Variants in C8orf74 observed in about 807,000 individuals in gnomAD.
The protein encoded by C8orf74 is uncharacterized protein C8orf74.
C8orf74 carries 29 observed loss-of-function variants against 22.2 expected under a neutral mutation model. The ratio of observed to expected loss-of-function variants is 1.31; its 90% CI spans 0.97 to 1.78. The LOEUF (loss-of-function observed/expected upper bound fraction) is 1.78, where lower values mean the gene tolerates loss of function less well. Among genes scored for constraint, C8orf74 ranks in the 40% most tolerant of loss-of-function variants. The probability of loss-of-function intolerance (pLI) is 0.00; values close to 1 mark genes in which losing one functional copy is unlikely to be tolerated. For missense variants in C8orf74, 515 were observed against 369.9 expected (o/e 1.39, Z -3.22); for synonymous variants, 255 against 163.1 (o/e 1.56, Z -4.30).
chr8:10,689,262 C>T (rs547651791), intron 2 of C8orf74: 1 of 152,230 alleles, frequency 6.6e-6, no homozygotes, highest in Non-Finnish European at 1.5e-5. Flanking sequence ...AGGCAAGTCT[C>T]ATCCTTTTTC....
Position 10,700,482 on chromosome 8 carries a change from C to A in C8orf74, c.*11C>A, listed in dbSNP as rs973016687. On this transcript the variant is annotated 3_prime_UTR_variant, in exon 4 of 4. Transcript: ENST00000304519. Reference sequence around the variant, plus strand: ...AAGGCAAGGAAGTAGAAGGTCCCGACTGCCACACGAGACTGACTGGGGACC... The same window carrying A: ...AAGGCAAGGAAGTAGAAGGTCCCGAATGCCACACGAGACTGACTGGGGACC... The A allele has an allele frequency of 2.6e-6, 4 of 1,519,560 alleles. No individual in the cohort carries two copies. The highest frequency in any genetic ancestry group is 1.7e-4 in the Middle Eastern group (1 of 5,800). The allele number at this position is 1,519,560 out of a possible 1,614,324, so 94.1% of individuals were successfully genotyped here. A position where few individuals can be genotyped will look rare whatever the true frequency, so the allele number is the denominator to read the frequency against.
At chr8:10,675,476 C>T (rs1799013963) in intron 2 of C8orf74, 2 of 152,260 alleles carry the variant, frequency 1.3e-5, no homozygotes, top group African/African-American at 2.4e-5. Context: ...CCACTGAGAA[C>T]CATCCATGGG....
Position 10,697,923 on chromosome 8 carries a change from T to A in C8orf74, c.566T>A (p.Leu189Gln), listed in dbSNP as rs780079375. ...RADVLLLKEA[L>Q]RLERENSLQK... is the part of the protein sequence containing the mutation. ...GACGTGCTGCTCCTGAAAGAGGCGC[T>A]GCGCCTGGAGCGGGAGAACTCGCTG... Residue 189 changes from leucine (L) to glutamine (Q), a missense_variant, in exon 3 of 4, where the codon CTG becomes CAG. Coordinates refer to ENST00000304519, the MANE Select transcript of C8orf74 (RefSeq NM_001040032.2). The A allele has an allele frequency of 6.3e-6, 10 of 1,598,680 alleles. No individual in the cohort carries two copies. In the African/African-American group the frequency reaches 1.2e-4, roughly 19 times the overall value.
chr8:10,700,551 C>A lies in C8orf74; in HGVS notation c.*80C>A. 1 of 840,092 alleles carries A rather than the reference C, an allele frequency of 1.2e-6. No homozygotes were observed. The highest frequency in any genetic ancestry group is 1.8e-6 in the Non-Finnish European group (1 of 549,278). The allele number at this position is 840,092 out of a possible 1,614,324, so 52.0% of individuals were successfully genotyped here. ...GCCTTGCGGCACGGTGAGCTCAGCA[C>A]CCACAGAGAGACTTCTTGTGATTAA... is the stretch of plus-strand genomic sequence containing the variant. On this transcript the variant is annotated 3_prime_UTR_variant, in exon 4 of 4. Transcript: ENST00000304519.
chr8:10,696,077 T>G (rs1410218308), intron 2 of C8orf74, among the ~76,000 whole-genome samples: 2 of 152,106 alleles, frequency 1.3e-5, no homozygotes, highest in African/African-American at 4.8e-5. Flanking sequence ...CCTATCTCTC[T>G]GCCTGGTGTC....
intron 2 of C8orf74, among the ~76,000 whole-genome samples, chr8:10,680,454 C>T (rs1412135633): frequency 1.3e-5 from 2 of 152,222 alleles, no homozygotes; most frequent in East Asian, 3.9e-4. Context: ...ACAGGATGGT[C>T]CCATATCCAC....
chr8:10,694,935 G>T (rs932804185), intron 2 of C8orf74, among the ~76,000 whole-genome samples: 1 of 151,846 alleles, frequency 6.6e-6, no homozygotes, highest in African/African-American at 2.4e-5. Flanking sequence ...TGGATGGATG[G>T]TTGGGTGCAT....
rs781682797 is a variant in C8orf74 at position 10,700,396 on chromosome 8, C to T, written c.810C>T (p.Thr270=). 1.2e-6 allele frequency: 2 copies of T among 1,612,766 alleles called. No individual in the cohort carries two copies. Among genetic ancestry groups the T allele is most frequent in the South Asian group, 1.1e-5 (1 of 90,912 alleles). ...CCACCCCTATCCCGCCCCCCATCAC[C>T]AGCCACGCAGGCCAGGAGGAAGCCC... is the stretch of plus-strand genomic sequence containing the variant. The part of the protein sequence containing the change: ...NAPTPIPPPI[T]SHAGQEEALK... The change falls in exon 4 of 4, where the codon ACC becomes ACT. Residue 270 remains threonine, a synonymous_variant. Coordinates refer to ENST00000304519, the MANE Select transcript of C8orf74 (RefSeq NM_001040032.2).
intron 3 of C8orf74, among the ~76,000 whole-genome samples, chr8:10,699,520 C>A (rs990926224): frequency 1.3e-5 from 2 of 152,244 alleles, no homozygotes; most frequent in African/African-American, 4.8e-5. Context: ...AGCTCCTATG[C>A]TGTGTGGTTG....
intron 1 of C8orf74, among the ~76,000 whole-genome samples, chr8:10,673,228 G>T (rs535693411): frequency 1.3e-5 from 2 of 152,114 alleles, no homozygotes; most frequent in African/African-American, 4.8e-5. Context: ...ACACTCTTGC[G>T]TGTGGTGGGT....
Position 10,674,707 on chromosome 8 carries a change from G to A in C8orf74, c.110G>A (p.Arg37Lys), listed in dbSNP as rs563688740. 50 of 1,609,104 alleles carry A rather than the reference G, an allele frequency of 3.1e-5. No homozygotes were observed. The East Asian group carries it at 1.1e-3, about 36-fold the overall frequency. ...AACTGGGAGGAGTTTGACGAACAGA[G>A]AGACTCCCGGAGGAGCATCCTGCTG... ...LLNWEEFDEQ[R>K]DSRRSILLDT... The change falls in exon 2 of 4, where the codon AGA (arginine) becomes AAA (lysine). Residue 37 changes from arginine to lysine, a missense_variant. Arg to Lys is a conservative substitution (Grantham distance 26, BLOSUM62 2). Transcript: ENST00000304519.
At chr8:10,676,578 G>A (rs909320655) in intron 2 of C8orf74, among the ~76,000 whole-genome samples, 2 of 152,030 alleles carry the variant, frequency 1.3e-5, no homozygotes, top group Admixed American at 6.5e-5. Flanking sequence ...TAATCTCTTC[G>A]GCTGCCAGGT....
chr8:10,697,378 CGAGCTGCAGCTGCAGT>C (rs966185529), intron 2 of C8orf74, among the ~76,000 whole-genome samples: 6 of 152,262 alleles, frequency 3.9e-5, no homozygotes, highest in South Asian at 2.1e-4. Flanking sequence ...GCGGCTGCAG[CGAGCTGCAGCTGCAGT>C]GAGCTACGAT....
At chr8:10,678,421 G>A (rs1799078070) in intron 2 of C8orf74, among the ~76,000 whole-genome samples, 1 of 152,128 alleles carries the variant, frequency 6.6e-6, no homozygotes, top group Admixed American at 6.5e-5. Flanking sequence ...GGAGCAGGAT[G>A]TGATCCAGAA....
At chr8:10,699,775 G>A (rs1199285603) in intron 3 of C8orf74, among the ~76,000 whole-genome samples, 1 of 152,236 alleles carries the variant, frequency 6.6e-6, no homozygotes, top group African/African-American at 2.4e-5. Context: ...AGGATGGTGG[G>A]GGCCCAGGGT....
chr8:10,680,558 G>C (rs1260127135), intron 2 of C8orf74, among the ~76,000 whole-genome samples: 17 of 152,226 alleles, frequency 1.1e-4, no homozygotes, highest in Non-Finnish European at 1.8e-4. Flanking sequence ...CAGGCCATCA[G>C]GGTGCTCACT....
chr8:10,698,718 A>G (rs1345677476), intron 3 of C8orf74, among the ~76,000 whole-genome samples: 5 of 152,148 alleles, frequency 3.3e-5, no homozygotes, highest in Non-Finnish European at 5.9e-5. Flanking sequence ...TCATTGTTGC[A>G]TCATCTCTGA....
chr8:10,673,043 G>T (rs1319789199), intron 1 of C8orf74, among the ~76,000 whole-genome samples: 1 of 152,150 alleles, frequency 6.6e-6, no homozygotes, highest in Non-Finnish European at 1.5e-5. Context: ...GGGAGGCTCT[G>T]CTGCTTTCTA....
At position 10,697,933 on chromosome 8, in the gene C8orf74, G is replaced by A. The variant is rs760397198; in HGVS notation, c.576G>A (p.Glu192=). The A allele has an allele frequency of 2.5e-6, 4 of 1,589,032 alleles. No homozygotes were observed. The highest frequency in any genetic ancestry group is 3.4e-6 in the Non-Finnish European group (4 of 1,168,194). ...VLLLKEALRL[E]RENSLQKAFA... is the part of the protein sequence containing the mutation. Reference sequence around the variant, plus strand: ...TCCTGAAAGAGGCGCTGCGCCTGGAGCGGGAGAACTCGCTGCAGAAGGCGT... The same window carrying A: ...TCCTGAAAGAGGCGCTGCGCCTGGAACGGGAGAACTCGCTGCAGAAGGCGT... Residue 192 remains glutamate (E), a synonymous_variant, in exon 3 of 4, where the codon GAG becomes GAA. Transcript: ENST00000304519.
Sources: gnomAD v4.1 joint callset for allele counts (sites outside exome capture counted in the v4.1 genomes callset) on GRCh38, gnomAD v4.1.1 for gene constraint, MANE v1.5 for transcripts, NCBI Gene and HGNC (gene_info 2026-07-23, HGNC 2026-07-21) for gene names.